The following PPP6R3 variants were observed in gnomAD, a reference collection of about 807,000 sequenced individuals.
The protein encoded by PPP6R3 is protein phosphatase 6 regulatory subunit 3.
A neutral mutation model predicts 110.7 loss-of-function variants in PPP6R3; 38 were observed. That is an observed-to-expected ratio of 0.34 (90% confidence interval 0.26 to 0.45). The LOEUF (loss-of-function observed/expected upper bound fraction) is 0.45, where lower values mean the gene tolerates loss of function less well. PPP6R3 is among the 20% of genes least tolerant of loss of function. PPP6R3 has a pLI of 1.00. For synonymous variants in PPP6R3, 369 were observed against 373.5 expected (o/e 0.99, Z 0.14); for missense variants, 870 against 1,062.4 (o/e 0.82, Z 2.52).
At position 68,583,101 on chromosome 11, in the gene PPP6R3, G is replaced by T; in HGVS notation, c.1604G>T (p.Gly535Val). 1.3e-6 allele frequency: 2 copies of T among 1,547,112 alleles called. No individual in the cohort carries two copies. Among genetic ancestry groups the T allele is most frequent in the Non-Finnish European group, 1.7e-6 (2 of 1,143,904 alleles). The change falls in exon 15 of 24, where the codon GGT becomes GTT. Residue 535 changes from glycine to valine, a missense_variant. Gly to Val is a moderately radical substitution (Grantham distance 109, BLOSUM62 -3). Coordinates refer to ENST00000393800, the MANE Select transcript of PPP6R3 (RefSeq NM_001164161.2). ...GATGAAATTGACTTTAAAGAAACGG[G>T]TTTCTCACAGGATTCTTCTTTGCAG... ...SDDEIDFKET[G>V]FSQDSSLQQA... is the part of the protein sequence containing the mutation.
At chr11:68,583,873 A>G (rs1054484358) in intron 15 of PPP6R3, among the ~76,000 whole-genome samples, 2 of 152,280 alleles carry the variant, frequency 1.3e-5, no homozygotes, top group East Asian at 3.9e-4. Flanking sequence ...CAGCAATAGA[A>G]TTAACGGGGA....
chr11:68,462,190 T>G (rs1029386383), intron 1 of PPP6R3, among the ~76,000 whole-genome samples: 2 of 152,236 alleles, frequency 1.3e-5, no homozygotes, highest in South Asian at 4.1e-4. Flanking sequence ...CTATTATTGT[T>G]TAATTTAAAT....
At chr11:68,519,362 G>A (rs2099152696) in intron 1 of PPP6R3, 139 bp from the exon 2 acceptor site, 4 of 371,098 alleles carry the variant, frequency 1.1e-5, no homozygotes, top group Admixed American at 4.6e-5. Flanking sequence ...AAAAATTTTA[G>A]TGATTAACTA....
intron 1 of PPP6R3, among the ~76,000 whole-genome samples, chr11:68,464,202 G>A (rs538937279): frequency 6.6e-6 from 1 of 152,232 alleles, no homozygotes; most frequent in South Asian, 2.1e-4. Flanking sequence ...GTGCCATCTC[G>A]GCTCACTGCA....
At chr11:68,603,517 G>A in intron 22 of PPP6R3, 25 bp downstream of exon 22, 1 of 1,613,632 alleles carries the variant, frequency 6.2e-7, no homozygotes, top group South Asian at 1.1e-5. Context: ...GATCCTGCTG[G>A]TAGCTTCAGG....
At chr11:68,563,205 A>G (rs868830082) in intron 8 of PPP6R3, among the ~76,000 whole-genome samples, 3 of 152,124 alleles carry the variant, frequency 2.0e-5, no homozygotes, top group South Asian at 2.1e-4. Flanking sequence ...AACAACAAAA[A>G]CAAAGCAGTA....
At chr11:68,585,357 A>C (rs566719213) in intron 15 of PPP6R3, among the ~76,000 whole-genome samples, 1 of 152,306 alleles carries the variant, frequency 6.6e-6, no homozygotes, top group African/African-American at 2.4e-5. Context: ...GTAGGCAATT[A>C]GGCCACATTT....
chr11:68,488,156 C>G (rs1384912906), intron 1 of PPP6R3, among the ~76,000 whole-genome samples: 1 of 152,196 alleles, frequency 6.6e-6, no homozygotes, highest in Non-Finnish European at 1.5e-5. Flanking sequence ...GAAGCCTGCT[C>G]TATCTGCAAT....
At chr11:68,510,658 TTAAAC>T (rs1392583248) in intron 1 of PPP6R3, among the ~76,000 whole-genome samples, 2 of 152,220 alleles carry the variant, frequency 1.3e-5, no homozygotes, top group Admixed American at 6.5e-5. Flanking sequence ...AGGTTTTTCT[TTAAAC>T]TAAAGCTTTA....
intron 1 of PPP6R3, among the ~76,000 whole-genome samples, chr11:68,480,082 A>C (rs1003128222): frequency 3.5e-4 from 53 of 151,174 alleles, no homozygotes; most frequent in Admixed American, 2.0e-3. Flanking sequence ...TTTTGCTTTG[A>C]TATTTCTCAC....
Position 68,615,266 on chromosome 11 carries a change from CAG to C in PPP6R3, c.*2151_*2152del, listed in dbSNP as rs2153986835. On this transcript the variant is annotated 3_prime_UTR_variant, in exon 24 of 24. Transcript: ENST00000393800. ...TGGCCATACTGAATTATGAGACTAA[CAG>C]ATGTCTACAATACAATACCTGTATT... 2.8e-6 allele frequency: 1 copy of C among 362,990 alleles called. No homozygotes were observed. Among genetic ancestry groups the C allele is most frequent in the East Asian group, 7.3e-5 (1 of 13,678 alleles). The allele number at this position is 362,990 out of a possible 1,614,324, so 22.5% of individuals were successfully genotyped here. A position where few individuals can be genotyped will look rare whatever the true frequency, so the allele number is the denominator to read the frequency against.
intron 1 of PPP6R3, among the ~76,000 whole-genome samples, chr11:68,484,445 C>T (rs1340285431): frequency 6.6e-6 from 1 of 151,956 alleles, no homozygotes; most frequent in African/African-American, 2.4e-5. Flanking sequence ...TTTGCAGTTC[C>T]CTAATGATGT....
intron 2 of PPP6R3, among the ~76,000 whole-genome samples, chr11:68,523,304 CT>C (rs1180266456): frequency 1.3e-5 from 2 of 152,186 alleles, no homozygotes; most frequent in African/African-American, 4.8e-5. Flanking sequence ...TTCTCCGTAA[CT>C]GCTGGTGTTT....
At chr11:68,464,618 T>G (rs1591447406) in intron 1 of PPP6R3, among the ~76,000 whole-genome samples, 1 of 152,234 alleles carries the variant, frequency 6.6e-6, no homozygotes, top group African/African-American at 2.4e-5. Flanking sequence ...ATTATTTAGA[T>G]GGTATACTTA....
intron 1 of PPP6R3, among the ~76,000 whole-genome samples, chr11:68,486,909 C>T (rs2098951308): frequency 6.6e-6 from 1 of 152,032 alleles, no homozygotes; most frequent in Admixed American, 6.6e-5. Context: ...TTCTAATGCC[C>T]ATGGTATCTG....
rs954293756 is a variant in PPP6R3 at position 68,505,203 on chromosome 11, C to T, written c.-157-14298C>T. 4 of 152,258 alleles carry T rather than the reference C, an allele frequency of 2.6e-5. No individual in the cohort carries two copies. In the East Asian group the frequency reaches 5.8e-4, roughly 22 times the overall value. The allele number at this position is 152,258 out of a possible 1,614,324, so 9.4% of individuals were successfully genotyped here. ...TGCTCAAATAGTGACAGAACTTCCT[C>T]GGCCATATGGAGGGGTCATATAATA... On this transcript the variant is annotated intron_variant, in intron 1 of 23. Transcript: ENST00000393800.
chr11:68,542,768 CT>C (rs1186125928), intron 3 of PPP6R3, among the ~76,000 whole-genome samples: 1 of 152,120 alleles, frequency 6.6e-6, no homozygotes, highest in Non-Finnish European at 1.5e-5. Flanking sequence ...GAACTCTGAG[CT>C]TTTTGTGTAA....
At position 68,569,644 on chromosome 11, in the gene PPP6R3, A is replaced by G. The variant is rs2153776894; in HGVS notation, c.1129-104A>G. On this transcript the variant is annotated intron_variant, in intron 10 of 23. Coordinates refer to ENST00000393800, the MANE Select transcript of PPP6R3 (RefSeq NM_001164161.2). Reference sequence around the variant, plus strand: ...TTTTAATTGGTCCTTTTGGACTGAGAGCACATCATTTTTACTTTATTAAAT... The same window carrying G: ...TTTTAATTGGTCCTTTTGGACTGAGGGCACATCATTTTTACTTTATTAAAT... The G allele has an allele frequency of 4.8e-6, 5 of 1,043,816 alleles. No individual in the cohort carries two copies. In the South Asian group the frequency reaches 7.5e-5, roughly 16 times the overall value. 64.7% of individuals were successfully genotyped at this position (1,043,816 alleles called of 1,614,324 possible).
intron 1 of PPP6R3, among the ~76,000 whole-genome samples, chr11:68,509,900 C>T (rs2099099851): frequency 6.6e-6 from 1 of 151,364 alleles, no homozygotes; most frequent in African/African-American, 2.4e-5. Context: ...CAGGTGCCTG[C>T]CACCACACTC....
Sources: allele counts gnomAD v4.1 joint callset (sites outside exome capture counted in the v4.1 genomes callset), GRCh38; gene constraint gnomAD v4.1.1; transcripts MANE v1.5; gene names NCBI Gene and HGNC (gene_info 2026-07-23, HGNC 2026-07-21).